TDRD15: variants seen among roughly 807,000 people sequenced by gnomAD.
TDRD15 encodes tudor domain-containing protein 15.
For synonymous variants in TDRD15, 503 were observed against 314.5 expected (o/e 1.60, Z -6.34); for missense variants, 1,416 against 904.7 (o/e 1.57, Z -7.25).
chr2:21,138,631 T>C lies in TDRD15; in HGVS notation c.1164T>C (p.Asp388=), dbSNP rs1396299046. ...GACAAGTGGTATATGCACACATTGATTGGTTCAATAAGGATGAGTGTTTGT... is the reference window on the plus strand; with the variant it reads ...GACAAGTGGTATATGCACACATTGACTGGTTCAATAAGGATGAGTGTTTGT... The part of the protein sequence containing the change: ...LLGQVVYAHI[D]WFNKDECLYY... The change falls in exon 4 of 4, where the codon GAT becomes GAC. Residue 388 remains aspartate, a synonymous_variant. Coordinates refer to ENST00000405799, the MANE Select transcript of TDRD15 (RefSeq NM_001306137.2). 1 of 713,202 alleles carries C rather than the reference T, an allele frequency of 1.4e-6. No individual in the cohort carries two copies. Among genetic ancestry groups the C allele is most frequent in the South Asian group, 1.5e-5 (1 of 66,798 alleles). 44.2% of individuals were successfully genotyped at this position (713,202 alleles called of 1,614,324 possible).
Position 21,143,988 on chromosome 2 carries a change from A to C in TDRD15, c.*716A>C, listed in dbSNP as rs1665990466. ...TTTCATAAAACTCCTAAATGTCTGT[A>C]GATCTCATGTTAATAAATCTTGCTA... On this transcript the variant is annotated 3_prime_UTR_variant, in exon 4 of 4. Transcript: ENST00000405799. Among the ~76,000 whole-genome samples the C allele has an allele frequency of 6.6e-6, 1 of 151,792 alleles. No homozygotes were observed. Among genetic ancestry groups the C allele is most frequent in the African/African-American group, 2.4e-5 (1 of 41,408 alleles).
Position 21,135,237 on chromosome 2 carries a change from C to T in TDRD15, c.-4+390C>T, listed in dbSNP as rs111979423. On this transcript the variant is annotated intron_variant, in intron 3 of 3. Coordinates refer to ENST00000405799, the MANE Select transcript of TDRD15 (RefSeq NM_001306137.2). ...ATAATAAAAAAGATGTGTATATATA[C>T]ACCTGAATTTTCTTTGAATTATTTT... Among the ~76,000 whole-genome samples the T allele has an allele frequency of 2.0e-3, 298 of 148,362 alleles. 1 individual carries two copies. Among genetic ancestry groups the T allele is most frequent in the African/African-American group, 6.9e-3 (282 of 40,610 alleles).
At chr2:21,130,808 T>C (rs972977648) in intron 2 of TDRD15, among the ~76,000 whole-genome samples, 1 of 152,248 alleles carries the variant, frequency 6.6e-6, no homozygotes, top group African/African-American at 2.4e-5. Flanking sequence ...TATTATTTAC[T>C]ACCAAACACT....
intron 1 of TDRD15, among the ~76,000 whole-genome samples, chr2:21,124,527 T>A (rs1436076668): frequency 1.4e-5 from 2 of 139,706 alleles, no homozygotes; most frequent in African/African-American, 5.5e-5. Context: ...AGGGTGTGTG[T>A]GTGTGAGAGA....
At chr2:21,133,419 C>T (rs1665755086) in intron 2 of TDRD15, among the ~76,000 whole-genome samples, 2 of 151,980 alleles carry the variant, frequency 1.3e-5, no homozygotes, top group African/African-American at 2.4e-5. Flanking sequence ...TATTTTGGCT[C>T]TTGTCCATGA....
rs116756692 is a variant in TDRD15 at position 21,138,704 on chromosome 2, C to G, written c.1237C>G (p.Leu413Val). ...AGAGTCTACAGTTAATTCTAAGTGT[C>G]TACTGAAGACTGTAGGCACACAAGT... is the stretch of plus-strand genomic sequence containing the variant. ...TQESTVNSKC[L>V]LKTVGTQVLC... The change falls in exon 4 of 4, where the codon CTA becomes GTA. Residue 413 changes from leucine (L) to valine (V), a missense_variant. By Grantham distance (32) the Leu-to-Val change is conservative. Coordinates refer to ENST00000405799, the MANE Select transcript of TDRD15 (RefSeq NM_001306137.2). 0.02 allele frequency: 14,106 copies of G among 715,688 alleles called. 230 individuals are homozygous for G. The highest frequency in any genetic ancestry group is 0.051 in the Middle Eastern group (224 of 4,358). The allele number at this position is 715,688 out of a possible 1,614,324, so 44.3% of individuals were successfully genotyped here. A position where few individuals can be genotyped will look rare whatever the true frequency, so the allele number is the denominator to read the frequency against.
intron 1 of TDRD15, among the ~76,000 whole-genome samples, chr2:21,127,266 A>C (rs1371745822): frequency 6.6e-6 from 1 of 151,780 alleles, no homozygotes; most frequent in Non-Finnish European, 1.5e-5. Flanking sequence ...GCTTGCCTTT[A>C]GTCTTTTTAT....
In TDRD15 at chr2:21,139,108, T is replaced by A; in HGVS notation, c.1641T>A (p.Arg547=). 1.4e-6 allele frequency: 1 copy of A among 714,474 alleles called. No individual in the cohort carries two copies. 44.3% of individuals were successfully genotyped at this position (714,474 alleles called of 1,614,324 possible). A position where few individuals can be genotyped will look rare whatever the true frequency, so the allele number is the denominator to read the frequency against. The change falls in exon 4 of 4, where the codon CGT becomes CGA. Residue 547 remains arginine, a synonymous_variant. Transcript: ENST00000405799. ...GTGCTAGATATAGCAAGGACAGACG[T>A]TTTTACAGAGCTGTCATCACTGAAA... The part of the protein sequence containing the change: ...FCCARYSKDR[R]FYRAVITEIN...
Position 21,142,860 on chromosome 2 carries a change from A to G in TDRD15, c.5393A>G (p.Asn1798Ser), listed in dbSNP as rs763763106. 2 of 711,032 alleles carry G rather than the reference A, an allele frequency of 2.8e-6. No homozygotes were observed. The highest frequency in any genetic ancestry group is 5.2e-6 in the Non-Finnish European group (2 of 382,572). The allele number at this position is 711,032 out of a possible 1,614,324, so 44.0% of individuals were successfully genotyped here. ...LFKYKSEDQW[N>S]RVEISEVSPQ... The stretch of plus-strand genomic sequence containing the variant: ...AAATATAAATCGGAAGATCAGTGGA[A>G]TAGAGTAGAAATTTCTGAAGTCTCA... Residue 1798 changes from asparagine to serine, a missense_variant, in exon 4 of 4, where the codon AAT (asparagine) becomes AGT (serine). By Grantham distance (46) the Asn-to-Ser change is conservative. Transcript: ENST00000405799.
At chr2:21,145,518 G>A (rs1666016144), downstream of TDRD15, among the ~76,000 whole-genome samples, 1 of 151,782 alleles carries the variant, frequency 6.6e-6, no homozygotes, top group South Asian at 2.1e-4. Flanking sequence ...ATCACTAAGT[G>A]AGTTAAAGTA....
chr2:21,124,933 TGA>T (rs1665554252), intron 1 of TDRD15, among the ~76,000 whole-genome samples: 1 of 137,584 alleles, frequency 7.3e-6, no homozygotes, highest in South Asian at 2.4e-4. Context: ...AGGTTGTGTG[TGA>T]GAGAGACCCT....
rs542576713 is a variant in TDRD15, at chr2:21,126,020, G to A, written c.-200-1581G>A. Among the ~76,000 whole-genome samples, 4 of 151,842 alleles carry A rather than the reference G, an allele frequency of 2.6e-5. No homozygotes were observed. In the South Asian group the frequency reaches 8.3e-4, roughly 32 times the overall value. ...TGTGCATGTGTGTGTGTATGTGTGT[G>A]TGTGTGTGTCTGTGTGTCTTACAGC... On this transcript the variant is annotated intron_variant, in intron 1 of 3. Transcript: ENST00000405799.
chr2:21,139,039 C>T lies in TDRD15; in HGVS notation c.1572C>T (p.Asn524=), dbSNP rs746256237. The change falls in exon 4 of 4, where the codon AAC becomes AAT. Residue 524 remains asparagine (N), a synonymous_variant. Transcript: ENST00000405799. ...ACAAATTTTATGATTTGTGTGAAAA[C>T]GATGAAATGATTCTAAGAAAACCTG... is the stretch of plus-strand genomic sequence containing the variant. ...NINKFYDLCE[N]DEMILRKPEP... 1.5e-5 allele frequency: 11 copies of T among 714,204 alleles called. No homozygotes were observed. The highest frequency in any genetic ancestry group is 6.0e-5 in the South Asian group (4 of 67,020). 44.2% of individuals were successfully genotyped at this position (714,204 alleles called of 1,614,324 possible).
Position 21,142,278 on chromosome 2 carries a change from A to G in TDRD15, c.4811A>G (p.Lys1604Arg), listed in dbSNP as rs1665951010. Reference sequence around the variant, plus strand: ...GTAGAAGAAAAGTATGTTGATGATAAAGTACTTGTTTTTTTAGTAGATTGT... The same window carrying G: ...GTAGAAGAAAAGTATGTTGATGATAGAGTACTTGTTTTTTTAGTAGATTGT... ...SKVEEKYVDD[K>R]VLVFLVDCGI... The change falls in exon 4 of 4, where the codon AAA (lysine) becomes AGA (arginine). Residue 1604 changes from lysine (K) to arginine (R), a missense_variant. Coordinates refer to ENST00000405799, the MANE Select transcript of TDRD15 (RefSeq NM_001306137.2). 2.9e-6 allele frequency: 2 copies of G among 692,438 alleles called. No homozygotes were observed. The highest frequency in any genetic ancestry group is 2.6e-6 in the Non-Finnish European group (1 of 378,050). The allele number at this position is 692,438 out of a possible 1,614,324, so 42.9% of individuals were successfully genotyped here. A position where few individuals can be genotyped will look rare whatever the true frequency, so the allele number is the denominator to read the frequency against.
chr2:21,124,481 G>T (rs1175051346), intron 1 of TDRD15, among the ~76,000 whole-genome samples: 11 of 145,690 alleles, frequency 7.6e-5, no homozygotes. Context: ...GCCAGGGTGT[G>T]TGTGTGTGTG....
chr2:21,129,026 C>T (rs904982276), intron 2 of TDRD15, among the ~76,000 whole-genome samples: 1 of 151,862 alleles, frequency 6.6e-6, no homozygotes, highest in Non-Finnish European at 1.5e-5. Flanking sequence ...AATCTCTGTT[C>T]CCCAGGGTCG....
At chr2:21,134,499 C>T (rs183748457) in intron 2 of TDRD15, among the ~76,000 whole-genome samples, 175 of 151,746 alleles carry the variant, frequency 1.2e-3, no homozygotes, top group African/African-American at 4.0e-3. Context: ...CTGATTTTCC[C>T]GATACTGTGC....
Position 21,138,909 on chromosome 2 carries a change from AGGCT to A in TDRD15, c.1444_1447del (p.Ala482ProfsTer3). The stretch of plus-strand genomic sequence containing the variant: ...ATTAAAACAGTACAAATGGAGATAG[AGGCT>A]GCCTACATAGCTTTTATAGCATATG... On this transcript the variant is annotated frameshift_variant, in exon 4 of 4. Coordinates refer to ENST00000405799, the MANE Select transcript of TDRD15 (RefSeq NM_001306137.2). LOFTEE classifies it low-confidence loss of function (END_TRUNC). 1.4e-6 allele frequency: 1 copy of A among 715,710 alleles called. No homozygotes were observed. Among genetic ancestry groups the A allele is most frequent in the Non-Finnish European group, 2.6e-6 (1 of 384,062 alleles). The allele number at this position is 715,710 out of a possible 1,614,324, so 44.3% of individuals were successfully genotyped here.
downstream of TDRD15, among the ~76,000 whole-genome samples, chr2:21,147,054 T>G (rs62133262): frequency 6.6e-6 from 1 of 151,968 alleles, no homozygotes; most frequent in Non-Finnish European, 1.5e-5. Flanking sequence ...AATTAAAACA[T>G]GTAAAGCATT....
Sources: allele counts gnomAD v4.1 joint callset (sites outside exome capture counted in the v4.1 genomes callset), GRCh38; gene constraint gnomAD v4.1.1; transcripts MANE v1.5; gene names NCBI Gene and HGNC (gene_info 2026-07-23, HGNC 2026-07-21).